The following PTGER4 variants were observed in gnomAD, a reference collection of about 807,000 sequenced individuals.
PTGER4 encodes prostaglandin E receptor 4.
Under a neutral mutation model 33.2 loss-of-function variants are expected in PTGER4, and 11 were observed. The observed-to-expected ratio is 0.33, with a 90% CI of 0.21 to 0.55. The LOEUF is 0.55. Among genes scored for constraint, PTGER4 ranks in the 20% least tolerant of loss-of-function variants. The probability of loss-of-function intolerance (pLI) is 0.92; values close to 1 mark genes in which losing one functional copy is unlikely to be tolerated. For missense variants in PTGER4, 481 were observed against 650.2 expected (o/e 0.74, Z 2.83); for synonymous variants, 275 against 281.5 (o/e 0.98, Z 0.23).
Position 40,683,659 on chromosome 5 carries a change from A to G in PTGER4, c.867+1799A>G, listed in dbSNP as rs1176083505. Among the ~76,000 whole-genome samples, 1 of 152,248 alleles carries G rather than the reference A, an allele frequency of 6.6e-6. No homozygotes were observed. Among genetic ancestry groups the G allele is most frequent in the Non-Finnish European group, 1.5e-5 (1 of 68,040 alleles). ...TGGTTGGAAGTAAGCATGTAAAGCT[A>G]TGGATTTCTGCACAGCCACGGATGA... On this transcript the variant is annotated intron_variant, in intron 2 of 2. Transcript: ENST00000302472. This position sits in a 1 kb window ranked among gnomAD's most constrained non-coding sequence, Gnocchi z 4.2.
chr5:40,700,412 T>G, the PTGER4 span, among the ~76,000 whole-genome samples: 1 of 152,210 alleles, frequency 6.6e-6, no homozygotes, highest in Non-Finnish European at 1.5e-5. Flanking sequence ...TTGCCACCCT[T>G]GGACTAACGA....
At chr5:40,729,660 A>C in the PTGER4 span, among the ~76,000 whole-genome samples, 36 of 152,276 alleles carry the variant, frequency 2.4e-4, no homozygotes, top group African/African-American at 8.7e-4. Context: ...TATGTTTTTC[A>C]TCTAAGAGCT....
chr5:40,738,567 T>TAAAAA, the PTGER4 span, among the ~76,000 whole-genome samples: 50 of 67,542 alleles, frequency 7.4e-4, 1 homozygote, highest in African/African-American at 2.3e-3. Flanking sequence ...TAAAATAAAA[T>TAAAAA]ATAAAATAAA....
At chr5:40,745,132 C>T in the PTGER4 span, among the ~76,000 whole-genome samples, 11 of 152,032 alleles carry the variant, frequency 7.2e-5, no homozygotes, top group African/African-American at 2.7e-4. Flanking sequence ...CCCAAGGATG[C>T]CAAAAGACAC....
At chr5:40,701,428 A>G in the PTGER4 span, among the ~76,000 whole-genome samples, 1 of 152,208 alleles carries the variant, frequency 6.6e-6, no homozygotes, top group Non-Finnish European at 1.5e-5. Context: ...TGAGGAAAGA[A>G]TCTCAGAACT....
At chr5:40,705,895 A>T in the PTGER4 span, among the ~76,000 whole-genome samples, 251 of 152,278 alleles carry the variant, frequency 1.6e-3, no homozygotes, top group African/African-American at 5.8e-3. Flanking sequence ...AATTAGTTCA[A>T]CCATTGTGGA....
chr5:40,701,970 T>C, the PTGER4 span, among the ~76,000 whole-genome samples: 1 of 152,148 alleles, frequency 6.6e-6, no homozygotes, highest in Non-Finnish European at 1.5e-5. Context: ...CCTTTTCAGA[T>C]AAGCAAATGT....
At chr5:40,737,973 G>A in the PTGER4 span, among the ~76,000 whole-genome samples, 1 of 152,242 alleles carries the variant, frequency 6.6e-6, no homozygotes, top group South Asian at 2.1e-4. Flanking sequence ...GAACATTTAG[G>A]TTGTCCCAGT....
chr5:40,726,030 C>T, the PTGER4 span, among the ~76,000 whole-genome samples: 1 of 151,722 alleles, frequency 6.6e-6, no homozygotes, highest in Non-Finnish European at 1.5e-5. Context: ...TGTGATCCGC[C>T]CGCCTCGGCC....
At chr5:40,697,105 G>T (rs1012734259), downstream of PTGER4, among the ~76,000 whole-genome samples, 12 of 66,202 alleles carry the variant, frequency 1.8e-4, no homozygotes, top group Non-Finnish European at 3.2e-4. Flanking sequence ...AGAAAAGAAA[G>T]AAAGGAAAGA....
the PTGER4 span, among the ~76,000 whole-genome samples, chr5:40,710,254 A>C: frequency 3.9e-5 from 6 of 152,336 alleles, no homozygotes; most frequent in Non-Finnish European, 7.3e-5. Context: ...ACCCCATCAA[A>C]AAGTGGGCAA....
At chr5:40,696,853 C>A, downstream of PTGER4, 1 of 390,204 alleles carries the variant, frequency 2.6e-6, no homozygotes, top group South Asian at 1.1e-4. Flanking sequence ...AACAAGAACT[C>A]AAGGCAACAG....
the PTGER4 span, among the ~76,000 whole-genome samples, chr5:40,739,610 G>A: frequency 7.4e-4 from 112 of 152,320 alleles, no homozygotes; most frequent in Admixed American, 2.5e-3. Context: ...CATGTGAAGT[G>A]CTGGCTCCTA....
chr5:40,722,642 C>T, the PTGER4 span, among the ~76,000 whole-genome samples: 65 of 152,076 alleles, frequency 4.3e-4, no homozygotes, highest in African/African-American at 1.5e-3. Flanking sequence ...GCTGCCCCGT[C>T]TGGGAAGTGA....
rs1253022410 is a variant in PTGER4, at chr5:40,692,119, A to G, written c.1208A>G (p.Asp403Gly). ...CTCCTGCCAGACCTCTCACTGCCAG[A>G]CCTCAGTGAAAATGGCCTTGGAGGC... is the stretch of plus-strand genomic sequence containing the variant. ...QTLLPDLSLP[D>G]LSENGLGGRN... is the part of the protein sequence containing the mutation. The change falls in exon 3 of 3, where the codon GAC becomes GGC. Residue 403 changes from aspartate to glycine, a missense_variant. Around this residue, in one of 7 missense-constraint regions of PTGER4, gnomAD observed 172 missense variants for 199.2 expected, o/e 0.86. Transcript: ENST00000302472. 1 of 1,614,208 alleles carries G rather than the reference A, an allele frequency of 6.2e-7. No homozygotes were observed. The highest frequency in any genetic ancestry group is 8.5e-7 in the Non-Finnish European group (1 of 1,180,044).
At chr5:40,728,833 A>C in the PTGER4 span, among the ~76,000 whole-genome samples, 2 of 152,192 alleles carry the variant, frequency 1.3e-5, no homozygotes, top group African/African-American at 4.8e-5. Flanking sequence ...TATTGCCATT[A>C]AACTAGGTGA....
At chr5:40,717,511 T>C in the PTGER4 span, among the ~76,000 whole-genome samples, 1 of 152,154 alleles carries the variant, frequency 6.6e-6, no homozygotes, top group African/African-American at 2.4e-5. Flanking sequence ...TTTGGCTGAG[T>C]AATTCTTTAT....
At chr5:40,720,861 G>T in the PTGER4 span, among the ~76,000 whole-genome samples, 1 of 152,210 alleles carries the variant, frequency 6.6e-6, no homozygotes, top group Non-Finnish European at 1.5e-5. Context: ...TCAAGGGAAA[G>T]AATGAATTGG....
chr5:40,745,739 ATTTG>A, the PTGER4 span, among the ~76,000 whole-genome samples: 1 of 150,886 alleles, frequency 6.6e-6, no homozygotes, highest in African/African-American at 2.4e-5. Context: ...CGATTTATTT[ATTTG>A]TTTATTTATT....
Sources: gnomAD v4.1 joint callset for allele counts (sites outside exome capture counted in the v4.1 genomes callset) on GRCh38, gnomAD v4.1.1 for gene constraint, gnomAD v4.1.1 regional missense constraint, Gnocchi (gnomAD v3.1) non-coding constraint, MANE v1.5 for transcripts, NCBI Gene and HGNC (gene_info 2026-07-23, HGNC 2026-07-21) for gene names.